CCDC171: variants seen among roughly 807,000 people sequenced by gnomAD.
CCDC171 encodes coiled-coil domain containing 171, also known as coiled-coil domain-containing protein 171.
A neutral mutation model predicts 168.2 loss-of-function variants in CCDC171; 177 were observed. That is an observed-to-expected ratio of 1.05 (90% confidence interval 0.93 to 1.19). The LOEUF (loss-of-function observed/expected upper bound fraction) is 1.19. Ranked by LOEUF, CCDC171 falls within the 50% of genes most tolerant of loss-of-function variation. The pLI, the probability that CCDC171 is intolerant of heterozygous loss-of-function variation, is 0.00. For synonymous variants in CCDC171, 687 were observed against 540.8 expected, an observed-to-expected ratio of 1.27 and a Z score of -3.75; for missense variants, 1,991 against 1,539.0, an observed-to-expected ratio of 1.29 and a Z score of -4.91.
chr9:15,833,447 T>C (rs9298738), intron 21 of CCDC171, among the ~76,000 whole-genome samples: 69,793 of 152,060 alleles, frequency 0.46, 16,322 homozygotes, highest in African/African-American at 0.52. Flanking sequence ...ATTTATGTTG[T>C]GCCACTTAAA....
chr9:15,626,181 G>C (rs1249485467), intron 7 of CCDC171, among the ~76,000 whole-genome samples: 1 of 152,214 alleles, frequency 6.6e-6, no homozygotes. Context: ...CTGAGACTTT[G>C]CTGAAGTTGC....
At chr9:15,876,419 C>T (rs996687882) in intron 24 of CCDC171, among the ~76,000 whole-genome samples, 1 of 152,064 alleles carries the variant, frequency 6.6e-6, no homozygotes, top group African/African-American at 2.4e-5. Flanking sequence ...ATGAGCCTGT[C>T]AAATAAATGG....
intron 21 of CCDC171, among the ~76,000 whole-genome samples, chr9:15,812,687 G>C (rs778946968): frequency 6.6e-6 from 1 of 152,124 alleles, no homozygotes; most frequent in Non-Finnish European, 1.5e-5. Context: ...TCCAGAATTA[G>C]GGACTAATTA....
intron 7 of CCDC171, among the ~76,000 whole-genome samples, chr9:15,639,930 C>T (rs1359735958): frequency 1.3e-5 from 2 of 152,138 alleles, no homozygotes; most frequent in African/African-American, 4.8e-5. Context: ...TTGTCTACAA[C>T]ACAGGTCTTT....
chr9:16,102,462 C>G, the CCDC171 span, among the ~76,000 whole-genome samples: 1 of 113,600 alleles, frequency 8.8e-6, no homozygotes, highest in Non-Finnish European at 1.6e-5. Flanking sequence ...GAAACAGATG[C>G]ATTTCATGTA....
intron 25 of CCDC171, among the ~76,000 whole-genome samples, chr9:15,968,472 G>A (rs955842417): frequency 4.6e-5 from 7 of 151,314 alleles, no homozygotes; most frequent in Non-Finnish European, 8.8e-5. Context: ...AAGAAAAACC[G>A]GTCATATTTA....
chr9:16,057,038 G>A (rs1190668794), intron 1 of CCDC171, among the ~76,000 whole-genome samples: 1 of 152,184 alleles, frequency 6.6e-6, no homozygotes, highest in Non-Finnish European at 1.5e-5. Context: ...TTTCATGCCT[G>A]AGTTCAGTTT....
chr9:16,105,027 G>A, the CCDC171 span, among the ~76,000 whole-genome samples: 1 of 152,138 alleles, frequency 6.6e-6, no homozygotes, highest in Non-Finnish European at 1.5e-5. Context: ...AGTAAGGAAA[G>A]CTCTTGATAA....
Position 15,564,107 on chromosome 9 carries a change from A to C in CCDC171, c.19A>C (p.Ser7Arg), listed in dbSNP as rs368515656. 31 of 1,608,166 alleles carry C rather than the reference A, an allele frequency of 1.9e-5. No individual in the cohort carries two copies. The South Asian group carries it at 3.0e-4, about 16-fold the overall frequency. ...AAACATCATGAATTTGAATACTTCA[A>C]GTAATACTGGTGATACCCAAAGGTA... MNLNTS[S>R]NTGDTQRLKI... is the part of the protein sequence containing the mutation. Residue 7 changes from serine to arginine, a missense_variant, in exon 2 of 26, where the codon AGT becomes CGT. Ser to Arg is a moderately radical substitution (Grantham distance 110, BLOSUM62 -1). Coordinates refer to ENST00000380701, the MANE Select transcript of CCDC171 (RefSeq NM_173550.4).
intron 11 of CCDC171, among the ~76,000 whole-genome samples, chr9:15,699,350 C>T (rs936971740): frequency 8.5e-5 from 13 of 152,128 alleles, no homozygotes; most frequent in African/African-American, 2.7e-4. Flanking sequence ...AGTGTGGACC[C>T]AAAGAGTGAG....
In CCDC171 at chr9:15,748,847, T is replaced by C. The variant is rs978257499; in HGVS notation, c.2671+3216T>C. Among the ~76,000 whole-genome samples, 4 of 152,104 alleles carry C rather than the reference T, an allele frequency of 2.6e-5. No homozygotes were observed. In the South Asian group the frequency reaches 6.2e-4, roughly 24 times the overall value. ...AGCACTAAACATGGAAAGGAACAAC[T>C]GGTACCAGCCACTGCAAAAACATGC... On this transcript the variant is annotated intron_variant, in intron 18 of 25. Transcript: ENST00000380701.
intron 25 of CCDC171, among the ~76,000 whole-genome samples, chr9:15,960,038 T>A (rs938436334): frequency 6.6e-6 from 1 of 152,112 alleles, no homozygotes; most frequent in Non-Finnish European, 1.5e-5. Flanking sequence ...CAGCTCTTGA[T>A]GGGGAATCCA....
intron 13 of CCDC171, 31 bp from the exon 14 acceptor site, chr9:15,724,745 C>A (rs767984307): frequency 6.5e-7 from 1 of 1,547,478 alleles, no homozygotes; most frequent in South Asian, 1.1e-5. Flanking sequence ...GCTGGCCTTT[C>A]TACAATCTCT....
chr9:15,843,068 A>G (rs1420378601), intron 21 of CCDC171, among the ~76,000 whole-genome samples: 2 of 152,000 alleles, frequency 1.3e-5, no homozygotes, highest in African/African-American at 2.4e-5. Flanking sequence ...ATAGCTTTTC[A>G]TGATCATTTC....
At chr9:16,079,460 C>A in the CCDC171 span, among the ~76,000 whole-genome samples, 1 of 152,152 alleles carries the variant, frequency 6.6e-6, no homozygotes, top group Non-Finnish European at 1.5e-5. Context: ...AGAGAGAACA[C>A]CGTGTGAGGA....
chr9:16,069,648 G>A, the CCDC171 span, among the ~76,000 whole-genome samples: 1 of 152,240 alleles, frequency 6.6e-6, no homozygotes, highest in Non-Finnish European at 1.5e-5. Context: ...ATCTTCAAGG[G>A]TATTTGGGGA....
chr9:15,577,571 T>C (rs1242495535), intron 3 of CCDC171, among the ~76,000 whole-genome samples: 1 of 152,200 alleles, frequency 6.6e-6, no homozygotes, highest in East Asian at 1.9e-4. Context: ...TAAACCCATC[T>C]TGAGACAATT....
intron 25 of CCDC171, among the ~76,000 whole-genome samples, chr9:15,962,897 A>T (rs1830479666): frequency 6.6e-6 from 1 of 151,090 alleles, no homozygotes; most frequent in South Asian, 2.1e-4. Flanking sequence ...ATTACTATTT[A>T]TATATATGTA....
chr9:15,711,452 G>A lies in CCDC171; in HGVS notation c.1319-10317G>A, dbSNP rs898728879. 5.3e-5 allele frequency among the ~76,000 whole-genome samples: 8 copies of A among 151,830 alleles called. No homozygotes were observed. The South Asian group carries it at 8.3e-4, about 16-fold the overall frequency. On this transcript the variant is annotated intron_variant, in intron 11 of 25. Transcript: ENST00000380701. ...GTTATGATAGGTTTAATTACATTTT[G>A]CCTTTACTAGGCTTGTTCTTATTAT... is the stretch of plus-strand genomic sequence containing the variant.
Sources: allele counts gnomAD v4.1 joint callset (sites outside exome capture counted in the v4.1 genomes callset), GRCh38; gene constraint gnomAD v4.1.1; transcripts MANE v1.5; gene names NCBI Gene and HGNC (gene_info 2026-07-23, HGNC 2026-07-21).